CCDC154: variants seen among roughly 807,000 people sequenced by gnomAD.
The protein encoded by CCDC154 is coiled-coil domain-containing protein 154.
A neutral mutation model predicts 87.5 loss-of-function variants in CCDC154; 91 were observed. The observed-to-expected ratio is 1.04, with a 90% confidence interval of 0.88 to 1.24. The LOEUF (loss-of-function observed/expected upper bound fraction) is 1.24, where lower values mean the gene tolerates loss of function less well. Ranked by LOEUF, CCDC154 falls within the 50% of genes most tolerant of loss-of-function variation. The pLI is 0.00. For synonymous variants in CCDC154, 418 were observed against 400.4 expected (o/e 1.04, Z -0.52); for missense variants, 903 against 879.2 (o/e 1.03, Z -0.34).
intron 5 of CCDC154, 138 bp downstream of exon 5, chr16:1,442,742 G>C: frequency 4.8e-6 from 5 of 1,049,944 alleles, no homozygotes; most frequent in Non-Finnish European, 1.4e-6. Context: ...AGGCTTCCCA[G>C]CACGCTTGGC....
chr16:1,441,886 C>A, intron 6 of CCDC154, among the ~76,000 whole-genome samples: 1 of 151,900 alleles, frequency 6.6e-6, no homozygotes, highest in East Asian at 1.9e-4. Context: ...GATTTACAGG[C>A]GTGTGCCACT....
rs1299130364 is a variant in CCDC154, at chr16:1,436,681, C to T, written c.1410+11G>A. On this transcript the variant is annotated intron_variant, in intron 12 of 16. Coordinates refer to ENST00000389176, the MANE Select transcript of CCDC154 (RefSeq NM_001143980.3). ...CCCAAGTACACCAAGGCTGGCTGTG[C>T]CTTCGCCCACCTGCTGGGGGAGGCC... 3.2e-5 allele frequency: 49 copies of T among 1,549,638 alleles called. No homozygotes were observed. Among genetic ancestry groups the T allele is most frequent in the Non-Finnish European group, 4.3e-5 (49 of 1,146,830 alleles).
Position 1,437,124 on chromosome 16 carries a change from G to A in CCDC154, c.1291-313C>T, listed in dbSNP as rs539092336. 24 of 397,584 alleles carry A rather than the reference G, an allele frequency of 6.0e-5. No homozygotes were observed. The East Asian group carries it at 7.1e-4, about 12-fold the overall frequency. 24.6% of individuals were successfully genotyped at this position (397,584 alleles called of 1,614,324 possible). On this transcript the variant is annotated intron_variant, in intron 11 of 16. Coordinates refer to ENST00000389176, the MANE Select transcript of CCDC154 (RefSeq NM_001143980.3). ...CAGGGTGTCGCCCACGTTTGCAGCC[G>A]CGCTCGCGTGTCGGTGGATGAGCGG... is the stretch of plus-strand genomic sequence containing the variant.
Position 1,442,383 on chromosome 16 carries a change from CT to C in CCDC154, c.675+22del, listed in dbSNP as rs1396430360. On this transcript the variant is annotated intron_variant, in intron 6 of 16. Coordinates refer to ENST00000389176, the MANE Select transcript of CCDC154 (RefSeq NM_001143980.3). Reference sequence around the variant, plus strand: ...CTCCTCGGCCCTCTGGGCGGCCCCCCTGAAGCCTGGGCCTGGTGGTACCTGC... The same window carrying C: ...CTCCTCGGCCCTCTGGGCGGCCCCCCGAAGCCTGGGCCTGGTGGTACCTGC... 4 of 1,535,874 alleles carry C rather than the reference CT, an allele frequency of 2.6e-6. No homozygotes were observed. In the East Asian group the frequency reaches 7.4e-5, roughly 28 times the overall value.
At chr16:1,436,303 C>T in intron 13 of CCDC154, 142 bp downstream of exon 13, 1 of 876,262 alleles carries the variant, frequency 1.1e-6, no homozygotes, top group Non-Finnish European at 1.7e-6. Flanking sequence ...GCAGGGTGAG[C>T]CCGGTGCTGG....
chr16:1,443,847 G>A lies in CCDC154; in HGVS notation c.173C>T (p.Ala58Val), dbSNP rs759044949. 10 of 1,304,302 alleles carry A rather than the reference G, an allele frequency of 7.7e-6. No homozygotes were observed. The highest frequency in any genetic ancestry group is 2.3e-5 in the Admixed American group (1 of 43,566). The allele number at this position is 1,304,302 out of a possible 1,614,324, so 80.8% of individuals were successfully genotyped here. A position where few individuals can be genotyped will look rare whatever the true frequency, so the allele number is the denominator to read the frequency against. ...RYESSHPTST[A>V]SVPEQDTAKH... Reference sequence around the variant, plus strand: ...GGCGGTGTCCTGCTCGGGGACAGAGGCCGTGGATGTCGGATGGCTGGACTC... The same window carrying A: ...GGCGGTGTCCTGCTCGGGGACAGAGACCGTGGATGTCGGATGGCTGGACTC... The change falls in exon 2 of 17, where the codon GCC (alanine) becomes GTC (valine). Residue 58 changes from alanine to valine, a missense_variant. Ala to Val is a moderately conservative substitution (Grantham distance 64, BLOSUM62 0). Coordinates refer to ENST00000389176, the MANE Select transcript of CCDC154 (RefSeq NM_001143980.3).
Position 1,436,010 on chromosome 16 carries a change from G to C in CCDC154, c.1564C>G (p.Pro522Ala). ...SSVQLLKEDN[P>A]GRKIAEMQGK... Reference sequence around the variant, plus strand: ...TGCATCTCCGCGATCTTCCGCCCAGGGTTGTCTTCCTTTAGCAGCTGCACG... The same window carrying C: ...TGCATCTCCGCGATCTTCCGCCCAGCGTTGTCTTCCTTTAGCAGCTGCACG... The change falls in exon 14 of 17, where the codon CCT becomes GCT. Residue 522 changes from proline (P) to alanine (A), a missense_variant. Pro to Ala is a conservative substitution (Grantham distance 27). Transcript: ENST00000389176. 1 of 1,550,350 alleles carries C rather than the reference G, an allele frequency of 6.5e-7. No homozygotes were observed. Among genetic ancestry groups the C allele is most frequent in the Non-Finnish European group, 8.7e-7 (1 of 1,146,894 alleles).
Position 1,437,832 on chromosome 16 carries a change from G to A in CCDC154, c.1275C>T (p.Gly425=), listed in dbSNP as rs1234969601. ...CCTGGCGCACCTCGGACAGCCTGAG[G>A]CCCAGCATCTGCTCCTGCAGATCGA... ...SRLDLQEQML[G]LRLSEAKTEW... Residue 425 remains glycine (G), a synonymous_variant, in exon 11 of 17, where the codon GGC becomes GGT. Transcript: ENST00000389176. 1.3e-6 allele frequency: 2 copies of A among 1,536,200 alleles called. No individual in the cohort carries two copies. Among genetic ancestry groups the A allele is most frequent in the South Asian group, 1.2e-5 (1 of 83,912 alleles).
chr16:1,439,212 G>A, intron 6 of CCDC154, 86 bp from the exon 7 acceptor site: 2 of 1,218,928 alleles, frequency 1.6e-6, no homozygotes, highest in Non-Finnish European at 2.3e-6. Flanking sequence ...CATCAGAGTT[G>A]GAGTCCCCTG....
At chr16:1,437,152 A>AC (rs2038509543) in intron 11 of CCDC154, 5 of 343,034 alleles carry the variant, frequency 1.5e-5, no homozygotes, top group African/African-American at 4.2e-5. Flanking sequence ...ATGAGCGGGA[A>AC]CCGGGGGGCG....
In CCDC154 at chr16:1,444,340, G is replaced by C. The variant is rs1447715662; in HGVS notation, c.-18C>G. 1 of 1,301,222 alleles carries C rather than the reference G, an allele frequency of 7.7e-7. No individual in the cohort carries two copies. Among genetic ancestry groups the C allele is most frequent in the Non-Finnish European group, 1.0e-6 (1 of 988,782 alleles). The allele number at this position is 1,301,222 out of a possible 1,614,324, so 80.6% of individuals were successfully genotyped here. On this transcript the variant is annotated 5_prime_UTR_variant, in exon 1 of 17. Transcript: ENST00000389176. Reference sequence around the variant, plus strand: ...CCTGACATGGCTGCTGGGCTGCACCGGCCACCCTGCCCTCGGCTGTAGCTT... The same window carrying C: ...CCTGACATGGCTGCTGGGCTGCACCCGCCACCCTGCCCTCGGCTGTAGCTT...
intron 11 of CCDC154, chr16:1,437,167 C>T: frequency 3.0e-6 from 1 of 328,750 alleles, no homozygotes; most frequent in Non-Finnish European, 5.8e-6. Context: ...GGGGCGGCGC[C>T]TACGCAATGC....
chr16:1,438,485 C>T (rs2038521737), intron 9 of CCDC154, 134 bp downstream of exon 9: 15 of 873,588 alleles, frequency 1.7e-5, no homozygotes, highest in Non-Finnish European at 2.7e-5. Context: ...CATCCAGCTG[C>T]AGCCCTCGGG....
At chr16:1,438,470 C>T (rs2038521636) in intron 9 of CCDC154, 149 bp downstream of exon 9, 6 of 806,512 alleles carry the variant, frequency 7.4e-6, no homozygotes, top group East Asian at 5.4e-5. Flanking sequence ...GAGGAGGGTT[C>T]GCACCATCCA....
rs1235616659 is a variant in CCDC154, at chr16:1,443,077, T to C, written c.456-102A>G. The stretch of plus-strand genomic sequence containing the variant: ...GCCCCTGTGGCCACCTCCCATGGCT[T>C]TCCTGGGCCTCTGAAGGCCGCCCAG... On this transcript the variant is annotated intron_variant, in intron 4 of 16. Coordinates refer to ENST00000389176, the MANE Select transcript of CCDC154 (RefSeq NM_001143980.3). The C allele has an allele frequency of 1.2e-5, 17 of 1,438,182 alleles. No homozygotes were observed. The Middle Eastern group carries it at 7.6e-4, about 65-fold the overall frequency. 89.1% of individuals were successfully genotyped at this position (1,438,182 alleles called of 1,614,324 possible).
In CCDC154 at chr16:1,437,539, C is replaced by T. The variant is rs371277275; in HGVS notation, c.1290+278G>A. 3.7e-4 allele frequency: 160 copies of T among 426,954 alleles called. 5 individuals carry two copies. The South Asian group carries it at 6.9e-3, about 18-fold the overall frequency. The allele number at this position is 426,954 out of a possible 1,614,324, so 26.4% of individuals were successfully genotyped here. ...AGGGGTGGAGGCCGCTTGTCTGCCC[C>T]GCCGTGAGCTGCCCGCATGGCCGGG... On this transcript the variant is annotated intron_variant, in intron 11 of 16. Coordinates refer to ENST00000389176, the MANE Select transcript of CCDC154 (RefSeq NM_001143980.3).
chr16:1,435,848 G>A (rs897904653), intron 14 of CCDC154, 121 bp downstream of exon 14: 11 of 833,860 alleles, frequency 1.3e-5, no homozygotes, highest in Admixed American at 9.5e-5. Context: ...TTTTCTGAGC[G>A]TCTCCTGCTG....
In CCDC154 at chr16:1,434,801, C is replaced by A; in HGVS notation, c.1744G>T (p.Glu582Ter). 1 of 1,538,684 alleles carries A rather than the reference C, an allele frequency of 6.5e-7. No individual in the cohort carries two copies. The highest frequency in any genetic ancestry group is 1.2e-5 in the South Asian group (1 of 83,548). Residue 582 changes from glutamate (E) to a stop codon, truncating the protein, a stop_gained, in exon 16 of 17, where the codon GAG (glutamate) becomes TAG (stop). Transcript: ENST00000389176. LOFTEE classifies it high-confidence loss of function. Reference protein sequence around the residue: ...LWESVLRLWSEEGPRTPLGSW... With the variant: ...LWESVLRLWS ...CCCAGCGGCGTCCGCGGGCCCTCCT[C>A]ACTCCACAGCCGGAGCACACTCTCC...
chr16:1,437,828 T>C lies in CCDC154; in HGVS notation c.1279A>G (p.Arg427Gly). The change falls in exon 11 of 17, where the codon AGG becomes GGG. Residue 427 changes from arginine (R) to glycine (G), a missense_variant. Transcript: ENST00000389176. ...GCTGCCTGGCGCACCTCGGACAGCC[T>C]GAGGCCCAGCATCTGCTCCTGCAGA... ...LDLQEQMLGL[R>G]LSEAKTEWEG... 1.3e-6 allele frequency: 2 copies of C among 1,535,368 alleles called. No individual in the cohort carries two copies. The highest frequency in any genetic ancestry group is 1.7e-6 in the Non-Finnish European group (2 of 1,144,360).
Sources: allele counts gnomAD v4.1 joint callset (sites outside exome capture counted in the v4.1 genomes callset), GRCh38; gene constraint gnomAD v4.1.1; transcripts MANE v1.5; gene names NCBI Gene and HGNC (gene_info 2026-07-23, HGNC 2026-07-21).